EFCAB6: variants seen among roughly 807,000 people sequenced by gnomAD.
The protein encoded by EFCAB6 is EF-hand calcium-binding domain-containing protein 6.
In EFCAB6, 156 loss-of-function variants were observed where a neutral mutation model predicts 169.8. The ratio of observed to expected loss-of-function variants is 0.92; its 90% CI spans 0.81 to 1.05. The LOEUF is 1.05. Among genes scored for constraint, EFCAB6 ranks in the 50% least tolerant of loss-of-function variants. The probability of loss-of-function intolerance (pLI) is 0.00; values close to 1 mark genes in which losing one functional copy is unlikely to be tolerated. For synonymous variants in EFCAB6, 698 were observed against 676.4 expected, an observed-to-expected ratio of 1.03 and a Z score of -0.50; for missense variants, 1,800 against 1,829.1, an observed-to-expected ratio of 0.98 and a Z score of 0.29.
intron 25 of EFCAB6, among the ~76,000 whole-genome samples, chr22:43,577,889 A>AG (rs2050366703): frequency 6.6e-6 from 1 of 152,082 alleles, no homozygotes; most frequent in Non-Finnish European, 1.5e-5. Flanking sequence ...TACAAAAAAA[A>AG]AAAAAAAAGT....
chr22:43,575,977 T>C (rs2050230456), intron 26 of EFCAB6, among the ~76,000 whole-genome samples: 1 of 152,204 alleles, frequency 6.6e-6, no homozygotes, highest in Admixed American at 6.5e-5. Flanking sequence ...TTCATGCTGT[T>C]TGCTTTAGTA....
At chr22:43,589,696 G>A (rs9614439) in intron 24 of EFCAB6, among the ~76,000 whole-genome samples, 30,885 of 152,096 alleles carry the variant, frequency 0.2, 3,335 homozygotes, top group Middle Eastern at 0.28. Flanking sequence ...CCTGAGGCAC[G>A]AGAATCACTT....
At chr22:43,726,803 G>A (rs1162157127) in intron 8 of EFCAB6, among the ~76,000 whole-genome samples, 2 of 152,164 alleles carry the variant, frequency 1.3e-5, no homozygotes, top group Non-Finnish European at 2.9e-5. Flanking sequence ...AGAAAATAAT[G>A]AAACAAAGAT....
In EFCAB6 at chr22:43,687,563, G is replaced by A. The variant is rs1301616149; in HGVS notation, c.1050C>T (p.Thr350=). ...QLMKRFGLKA[T]TKINWKQFLT... Reference sequence around the variant, plus strand: ...GAAATTGCTTCCAATTGATTTTAGTGGTGGCTTTAAGTCCAAATCTGGATT... The same window carrying A: ...GAAATTGCTTCCAATTGATTTTAGTAGTGGCTTTAAGTCCAAATCTGGATT... The change falls in exon 11 of 32, where the codon ACC becomes ACT. Residue 350 remains threonine, a synonymous_variant. Coordinates refer to ENST00000262726, the MANE Select transcript of EFCAB6 (RefSeq NM_022785.4). The A allele has an allele frequency of 6.9e-6, 11 of 1,597,380 alleles. No individual in the cohort carries two copies. The highest frequency in any genetic ancestry group is 3.5e-5 in the Admixed American group (2 of 57,942).
At chr22:43,650,998 G>A (rs1183543485) in intron 17 of EFCAB6, among the ~76,000 whole-genome samples, 3 of 152,162 alleles carry the variant, frequency 2.0e-5, no homozygotes, top group Non-Finnish European at 4.4e-5. Flanking sequence ...TAAAACTTCA[G>A]AAAATTTGCA....
intron 19 of EFCAB6, among the ~76,000 whole-genome samples, chr22:43,629,847 A>G (rs942651531): frequency 3.3e-5 from 5 of 152,176 alleles, no homozygotes. Flanking sequence ...GTATCCTGAG[A>G]GCACAGTGGG....
intron 23 of EFCAB6, among the ~76,000 whole-genome samples, chr22:43,591,738 G>C (rs952873523): frequency 1.3e-5 from 2 of 152,200 alleles, no homozygotes; most frequent in African/African-American, 4.8e-5. Context: ...TTTTCTTGCA[G>C]AGATGTGTGA....
rs2058092267 is a variant in EFCAB6 at position 43,683,850 on chromosome 22, T to C, written c.1148A>G (p.Asn383Ser). Residue 383 changes from asparagine (N) to serine (S), a missense_variant, in exon 12 of 32, where the codon AAC becomes AGC. Asn to Ser is a conservative substitution (Grantham distance 46, BLOSUM62 1). Transcript: ENST00000262726. ...KGPLTKRNSI[N>S]SRNESHKENI... ...TTCCTTGTGAGATTCATTTCTAGAGTTGATGCTACAAGAGGATTAGGAGAA... is the reference window on the plus strand; with the variant it reads ...TTCCTTGTGAGATTCATTTCTAGAGCTGATGCTACAAGAGGATTAGGAGAA... 10 of 1,606,312 alleles carry C rather than the reference T, an allele frequency of 6.2e-6. No homozygotes were observed. The highest frequency in any genetic ancestry group is 8.5e-6 in the Non-Finnish European group (10 of 1,173,004).
At chr22:43,601,188 C>T (rs2052497532) in intron 22 of EFCAB6, among the ~76,000 whole-genome samples, 1 of 152,068 alleles carries the variant, frequency 6.6e-6, no homozygotes, top group Non-Finnish European at 1.5e-5. Context: ...ATGCTATGTA[C>T]CTTTTATGTC....
At chr22:43,788,849 G>A (rs1342542018) in intron 2 of EFCAB6, among the ~76,000 whole-genome samples, 1 of 152,224 alleles carries the variant, frequency 6.6e-6, no homozygotes, top group Non-Finnish European at 1.5e-5. Context: ...ATCAGTGGGT[G>A]AGTGGATAAA....
At chr22:43,609,128 T>A (rs1039201947) in intron 21 of EFCAB6, among the ~76,000 whole-genome samples, 19 of 152,208 alleles carry the variant, frequency 1.2e-4, no homozygotes, top group African/African-American at 4.6e-4. Context: ...ATGTCTTTAG[T>A]TGTTTCCAAG....
At chr22:43,551,647 C>T (rs2048383720) in intron 27 of EFCAB6, among the ~76,000 whole-genome samples, 1 of 152,130 alleles carries the variant, frequency 6.6e-6, no homozygotes, top group Admixed American at 6.5e-5. Context: ...AGCTATTCTT[C>T]CTGATGGTCT....
chr22:43,612,018 C>T (rs2053344624), intron 21 of EFCAB6, among the ~76,000 whole-genome samples: 2 of 152,132 alleles, frequency 1.3e-5, no homozygotes. Flanking sequence ...ACACCTACAA[C>T]CATCTGATCT....
chr22:43,596,129 T>C (rs969806130), intron 23 of EFCAB6, among the ~76,000 whole-genome samples: 6 of 151,946 alleles, frequency 3.9e-5, no homozygotes, highest in African/African-American at 1.4e-4. Flanking sequence ...GACAAACCCA[T>C]AGCTAATATG....
Position 43,767,780 on chromosome 22 carries a change from T to C in EFCAB6, c.352-2387A>G, listed in dbSNP as rs370782657. ...TCATTGCATTTCATATTGCTACTTA[T>C]AGTCTAACACAAATTCTAATGTGGT... On this transcript the variant is annotated intron_variant, in intron 4 of 31. Coordinates refer to ENST00000262726, the MANE Select transcript of EFCAB6 (RefSeq NM_022785.4). Among the ~76,000 whole-genome samples, 528 of 151,834 alleles carry C rather than the reference T, an allele frequency of 3.5e-3. 2 individuals carry two copies. The highest frequency in any genetic ancestry group is 0.024 in the South Asian group (117 of 4,776).
At chr22:43,722,139 T>C (rs900020905) in intron 8 of EFCAB6, among the ~76,000 whole-genome samples, 1 of 151,708 alleles carries the variant, frequency 6.6e-6, no homozygotes, top group Non-Finnish European at 1.5e-5. Context: ...AACAAACATA[T>C]GAAAAAATGC....
At chr22:43,581,288 T>C (rs966568154) in intron 24 of EFCAB6, among the ~76,000 whole-genome samples, 11 of 152,214 alleles carry the variant, frequency 7.2e-5, no homozygotes, top group African/African-American at 2.7e-4. Flanking sequence ...CATTAAATTC[T>C]CTTTCAGGAG....
intron 2 of EFCAB6, among the ~76,000 whole-genome samples, chr22:43,790,299 G>C (rs543245582): frequency 3.5e-4 from 54 of 152,136 alleles, no homozygotes; most frequent in Non-Finnish European, 6.5e-4. Flanking sequence ...TCTTTACAGA[G>C]GTAAACTTCC....
intron 17 of EFCAB6, among the ~76,000 whole-genome samples, chr22:43,649,339 T>G (rs1043447250): frequency 6.6e-6 from 1 of 152,142 alleles, no homozygotes; most frequent in Admixed American, 6.5e-5. Flanking sequence ...AAAGTTTAAA[T>G]GAGTTACCAT....
Sources: gnomAD v4.1 joint callset for allele counts (sites outside exome capture counted in the v4.1 genomes callset) on GRCh38, gnomAD v4.1.1 for gene constraint, MANE v1.5 for transcripts, NCBI Gene and HGNC (gene_info 2026-07-23, HGNC 2026-07-21) for gene names.